Variants in CSMD1 observed in about 807,000 individuals in gnomAD.
The protein encoded by CSMD1 is CUB and Sushi multiple domains 1.
CSMD1 carries 213 observed loss-of-function variants against 417.5 expected under a neutral mutation model. The ratio of observed to expected loss-of-function variants is 0.51; its 90% CI spans 0.46 to 0.57. The LOEUF is 0.57. Among genes scored for constraint, CSMD1 ranks in the 20% least tolerant of loss-of-function variants. CSMD1 has a pLI of 0.00. For missense variants in CSMD1, 6,923 were observed against 4,529.7 expected, an observed-to-expected ratio of 1.53 and a Z score of -15.17; for synonymous variants, 2,862 against 1,736.8, an observed-to-expected ratio of 1.65 and a Z score of -16.11.
At chr8:3,747,092 T>C (rs1355153469) in intron 6 of CSMD1, among the ~76,000 whole-genome samples, 1 of 152,240 alleles carries the variant, frequency 6.6e-6, no homozygotes, top group Non-Finnish European at 1.5e-5. Context: ...GGGAGCAGTA[T>C]GACAAGTCGG....
intron 69 of CSMD1, among the ~76,000 whole-genome samples, chr8:2,938,973 A>G (rs1801678534): frequency 6.6e-6 from 1 of 152,142 alleles, no homozygotes; most frequent in Non-Finnish European, 1.5e-5. Context: ...AAATTAAATA[A>G]AATTTTTTTG....
intron 1 of CSMD1, among the ~76,000 whole-genome samples, chr8:4,976,673 G>A (rs913979290): frequency 2.6e-5 from 4 of 152,146 alleles, no homozygotes; most frequent in African/African-American, 9.7e-5. Context: ...AGGATGAGAA[G>A]GTATTTTACT....
intron 5 of CSMD1, among the ~76,000 whole-genome samples, chr8:3,759,363 A>C (rs1052333847): frequency 6.6e-6 from 1 of 152,180 alleles, no homozygotes; most frequent in African/African-American, 2.4e-5. Flanking sequence ...TTATCTATTC[A>C]TAACCTTACT....
chr8:3,532,579 G>T (rs568858589), intron 10 of CSMD1, among the ~76,000 whole-genome samples: 2 of 152,166 alleles, frequency 1.3e-5, no homozygotes, highest in Non-Finnish European at 2.9e-5. Flanking sequence ...GATTTGATGA[G>T]TGATTGCATT....
At position 4,084,432 on chromosome 8, in the gene CSMD1, T is replaced by C. The variant is rs543606249; in HGVS notation, c.416-52333A>G. On this transcript the variant is annotated intron_variant, in intron 3 of 69. Coordinates refer to ENST00000635120, the MANE Select transcript of CSMD1 (RefSeq NM_033225.6). ...TCCTAATTTTAACCTCGTTTTCATT[T>C]CCACCCTTTACATGATTTTGTTGTA... is the stretch of plus-strand genomic sequence containing the variant. Among the ~76,000 whole-genome samples the C allele has an allele frequency of 7.9e-5, 12 of 152,324 alleles. No individual in the cohort carries two copies. The South Asian group carries it at 1.7e-3, about 21-fold the overall frequency.
chr8:4,682,973 T>C (rs968347759), intron 1 of CSMD1, among the ~76,000 whole-genome samples: 1 of 140,318 alleles, frequency 7.1e-6, no homozygotes, highest in East Asian at 2.0e-4. Flanking sequence ...TATATATATA[T>C]ATATATATAT....
At chr8:3,037,656 C>G (rs1231371765) in intron 50 of CSMD1, among the ~76,000 whole-genome samples, 1 of 152,136 alleles carries the variant, frequency 6.6e-6, no homozygotes, top group East Asian at 1.9e-4. Flanking sequence ...ATATGGGATT[C>G]TTAAGGACAA....
At chr8:3,878,532 A>G (rs578100981) in intron 5 of CSMD1, among the ~76,000 whole-genome samples, 1 of 152,306 alleles carries the variant, frequency 6.6e-6, no homozygotes, top group South Asian at 2.1e-4. Flanking sequence ...TTAAAAAATG[A>G]AAAAGGAAAT....
intron 18 of CSMD1, among the ~76,000 whole-genome samples, chr8:3,374,803 TTTAG>T (rs1444035532): frequency 3.3e-5 from 5 of 152,142 alleles, no homozygotes; most frequent in South Asian, 2.1e-4. Context: ...CTGGGGATTC[TTTAG>T]TTATTTATTG....
At chr8:4,316,340 G>T (rs1006304909) in intron 3 of CSMD1, among the ~76,000 whole-genome samples, 11 of 152,162 alleles carry the variant, frequency 7.2e-5, no homozygotes, top group Non-Finnish European at 1.3e-4. Flanking sequence ...ATTCCAAGCG[G>T]TTTCTTAGGT....
At chr8:4,587,623 A>T (rs1257974078) in intron 2 of CSMD1, among the ~76,000 whole-genome samples, 5 of 152,166 alleles carry the variant, frequency 3.3e-5, no homozygotes, top group Non-Finnish European at 7.4e-5. Context: ...AATTGTACTC[A>T]GACTCATGAT....
At chr8:4,325,366 T>G (rs1425903829) in intron 3 of CSMD1, among the ~76,000 whole-genome samples, 1 of 152,020 alleles carries the variant, frequency 6.6e-6, no homozygotes, top group African/African-American at 2.4e-5. Context: ...TCTTAGATAA[T>G]CCCAAGAGAC....
chr8:4,351,949 ATTT>A (rs33935906), intron 3 of CSMD1, among the ~76,000 whole-genome samples: 4 of 141,700 alleles, frequency 2.8e-5, no homozygotes, highest in Non-Finnish European at 4.6e-5. Context: ...CCTTTATGCT[ATTT>A]TTTTTTTTTT....
At chr8:4,704,971 C>A (rs1296428882) in intron 1 of CSMD1, among the ~76,000 whole-genome samples, 1 of 152,132 alleles carries the variant, frequency 6.6e-6, no homozygotes, top group Non-Finnish European at 1.5e-5. Context: ...ATCTAACTTC[C>A]AATTGTAATC....
At chr8:4,991,878 G>A (rs950661856) in intron 1 of CSMD1, among the ~76,000 whole-genome samples, 1 of 152,136 alleles carries the variant, frequency 6.6e-6, no homozygotes, top group African/African-American at 2.4e-5. Flanking sequence ...GAGGAGACAC[G>A]GTCCCTGGTC....
chr8:3,369,170 A>G (rs1809791470), intron 19 of CSMD1, 84 bp downstream of exon 19: 1 of 660,628 alleles, frequency 1.5e-6, no homozygotes, highest in East Asian at 2.7e-5. Flanking sequence ...TCACTTGTTT[A>G]CACCGTAATA....
At chr8:3,926,038 CACACAA>C (rs879382826) in intron 5 of CSMD1, among the ~76,000 whole-genome samples, 1,939 of 110,376 alleles carry the variant, frequency 0.018, 143 homozygotes, top group Admixed American at 0.12. Context: ...CACACACACA[CACACAA>C]ACACCATATA....
intron 5 of CSMD1, among the ~76,000 whole-genome samples, chr8:3,880,109 T>C (rs975050946): frequency 1.3e-5 from 2 of 152,122 alleles, no homozygotes; most frequent in Admixed American, 1.3e-4. Context: ...ACTAAATTCA[T>C]TTACTGTCAC....
At chr8:3,618,658 C>G (rs1019298644) in intron 7 of CSMD1, among the ~76,000 whole-genome samples, 1 of 151,602 alleles carries the variant, frequency 6.6e-6, no homozygotes, top group Admixed American at 6.6e-5. Flanking sequence ...ATGGAAACAC[C>G]AAAGAAATGA....
Sources: allele counts gnomAD v4.1 joint callset (sites outside exome capture counted in the v4.1 genomes callset), GRCh38; gene constraint gnomAD v4.1.1; transcripts MANE v1.5; gene names NCBI Gene and HGNC (gene_info 2026-07-23, HGNC 2026-07-21).